BACH2: variants seen among roughly 807,000 people sequenced by gnomAD.
BACH2 encodes the protein BACH transcriptional regulator 2, also known as transcription regulator protein BACH2.
In BACH2, 5 loss-of-function variants were observed where a neutral mutation model predicts 61.8. The ratio of observed to expected loss-of-function variants is 0.08; its 90% CI spans 0.04 to 0.17. The LOEUF (loss-of-function observed/expected upper bound fraction) is 0.17. Among genes scored for constraint, BACH2 ranks in the 10% least tolerant of loss-of-function variants. BACH2 has a pLI of 1.00. For missense variants in BACH2, 824 were observed against 1,091.1 expected, an observed-to-expected ratio of 0.76 and a Z score of 3.45; for synonymous variants, 446 against 440.1, an observed-to-expected ratio of 1.01 and a Z score of -0.17.
intron 1 of BACH2, among the ~76,000 whole-genome samples, chr6:90,296,240 A>C (rs1772377742): frequency 6.6e-6 from 1 of 151,866 alleles, no homozygotes; most frequent in Admixed American, 6.6e-5. Context: ...GCCGGGAGGG[A>C]GAGCACACAT....
intron 5 of BACH2, among the ~76,000 whole-genome samples, chr6:90,036,443 T>C (rs528359968): frequency 1.3e-5 from 2 of 152,292 alleles, no homozygotes; most frequent in Admixed American, 1.3e-4. Flanking sequence ...AGGTCCTGTA[T>C]CATTTTGTAC....
intron 6 of BACH2, among the ~76,000 whole-genome samples, chr6:89,968,902 T>G (rs977569748): frequency 2.0e-5 from 3 of 151,962 alleles, no homozygotes; most frequent in Non-Finnish European, 4.4e-5. Context: ...TCCCAGCTAC[T>G]TGGGGGGCTG....
intron 5 of BACH2, among the ~76,000 whole-genome samples, chr6:90,054,544 G>C (rs940848515): frequency 2.0e-5 from 3 of 152,226 alleles, no homozygotes; most frequent in African/African-American, 4.8e-5. Context: ...CCACCTCTGG[G>C]GGCAGGGCAC....
At chr6:90,176,727 A>G (rs1336161382) in intron 4 of BACH2, among the ~76,000 whole-genome samples, 3 of 152,148 alleles carry the variant, frequency 2.0e-5, no homozygotes, top group Admixed American at 6.5e-5. Context: ...ACAGAGTCCA[A>G]TTGCCCAAAC....
At chr6:90,270,616 T>A (rs1202258549) in intron 2 of BACH2, among the ~76,000 whole-genome samples, 1 of 152,176 alleles carries the variant, frequency 6.6e-6, no homozygotes, top group Non-Finnish European at 1.5e-5. Flanking sequence ...TGCTCATGGA[T>A]GAGTAGAATC....
chr6:90,149,592 T>A (rs1784740562), intron 4 of BACH2, among the ~76,000 whole-genome samples: 1 of 152,148 alleles, frequency 6.6e-6, no homozygotes, highest in African/African-American at 2.4e-5. Flanking sequence ...AAATCCAGCA[T>A]AAACGAAACA....
intron 4 of BACH2, among the ~76,000 whole-genome samples, chr6:90,197,354 C>G (rs571001875): frequency 1.6e-4 from 24 of 152,232 alleles, no homozygotes; most frequent in African/African-American, 5.5e-4. Flanking sequence ...GAGATGATAC[C>G]TTTGTAAAAT....
At chr6:90,088,151 C>T (rs192357516) in intron 5 of BACH2, among the ~76,000 whole-genome samples, 5 of 152,128 alleles carry the variant, frequency 3.3e-5, no homozygotes, top group Admixed American at 2.0e-4. Context: ...GCCTTTCTGT[C>T]CCACATGTGT....
chr6:90,076,045 A>G (rs1307500678), intron 5 of BACH2, among the ~76,000 whole-genome samples: 1 of 152,180 alleles, frequency 6.6e-6, no homozygotes, highest in Non-Finnish European at 1.5e-5. Flanking sequence ...AAAAGAAAAT[A>G]GAAGAAGCGA....
chr6:90,123,769 CAAAAAAA>C lies in BACH2; in HGVS notation c.-161-34667_-161-34661del, dbSNP rs796903431. 1.0e-3 allele frequency among the ~76,000 whole-genome samples: 35 copies of C among 33,998 alleles called. 1 individual carries two copies. Among genetic ancestry groups the C allele is most frequent in the African/African-American group, 2.8e-3 (31 of 11,246 alleles). The allele number at this position is 33,998 out of a possible 152,430, so 22.3% of individuals were successfully genotyped here. A position where few individuals can be genotyped will look rare whatever the true frequency, so the allele number is the denominator to read the frequency against. On this transcript the variant is annotated intron_variant, in intron 4 of 8. Transcript: ENST00000257749. Reference sequence around the variant, plus strand: ...TGGGCGACAGAGCGAGACTCCGTCTCAAAAAAAAAAAAAAAAAAAAAAAAGAAGACCG... The same window carrying C: ...TGGGCGACAGAGCGAGACTCCGTCTCAAAAAAAAAAAAAAAAAGAAGACCG...
At chr6:90,052,099 G>A (rs1438124451) in intron 5 of BACH2, among the ~76,000 whole-genome samples, 2 of 152,080 alleles carry the variant, frequency 1.3e-5, no homozygotes, top group Admixed American at 1.3e-4. Flanking sequence ...CTTGTTTTAG[G>A]GGCATAGTAT....
intron 4 of BACH2, among the ~76,000 whole-genome samples, chr6:90,203,706 T>C (rs1769037651): frequency 6.6e-6 from 1 of 152,206 alleles, no homozygotes; most frequent in Non-Finnish European, 1.5e-5. Context: ...TGTTATCATA[T>C]TCCACGTACA....
intron 4 of BACH2, among the ~76,000 whole-genome samples, chr6:90,168,501 A>G (rs1320882378): frequency 6.6e-6 from 1 of 152,204 alleles, no homozygotes; most frequent in Non-Finnish European, 1.5e-5. Context: ...ACCCAAAGAA[A>G]ACAATAGGTT....
intron 6 of BACH2, among the ~76,000 whole-genome samples, chr6:89,972,047 G>A (rs1775389986): frequency 6.6e-6 from 1 of 152,196 alleles, no homozygotes; most frequent in African/African-American, 2.4e-5. Flanking sequence ...TGTTCCAGAT[G>A]GAAGAAATGA....
intron 3 of BACH2, among the ~76,000 whole-genome samples, chr6:90,235,526 C>G (rs538460929): frequency 2.2e-4 from 33 of 152,118 alleles, no homozygotes; most frequent in Non-Finnish European, 4.0e-4. Flanking sequence ...GAGAAATGCC[C>G]TTCAACTAAA....
rs1401708305 is a variant in BACH2 at position 90,275,311 on chromosome 6, T to C, written c.-445-3370A>G. Among the ~76,000 whole-genome samples the C allele has an allele frequency of 5.9e-5, 9 of 152,182 alleles. No individual in the cohort carries two copies. The East Asian group carries it at 1.5e-3, about 26-fold the overall frequency. On this transcript the variant is annotated intron_variant, in intron 1 of 8. Transcript: ENST00000257749. ...ACTGTAAATCGTGAGAGAACATACC[T>C]GCTCTTCAAATATGACTTGAAAATT... is the stretch of plus-strand genomic sequence containing the variant.
intron 5 of BACH2, among the ~76,000 whole-genome samples, chr6:90,011,231 A>G (rs1777688144): frequency 6.6e-6 from 1 of 152,170 alleles, no homozygotes; most frequent in Non-Finnish European, 1.5e-5. Flanking sequence ...TGTGTAGGTA[A>G]CAGGTATGGA....
intron 4 of BACH2, among the ~76,000 whole-genome samples, chr6:90,151,651 G>A (rs1339127201): frequency 6.6e-6 from 1 of 152,190 alleles, no homozygotes; most frequent in East Asian, 1.9e-4. Context: ...AGTAAGATCT[G>A]TAAGGGTAGG....
chr6:90,253,750 A>C (rs954317688), intron 2 of BACH2, among the ~76,000 whole-genome samples: 18 of 152,236 alleles, frequency 1.2e-4, no homozygotes, highest in Non-Finnish European at 2.1e-4. Context: ...GTGTATTTTA[A>C]AGAGAAAACA....
Sources: allele counts gnomAD v4.1 joint callset (sites outside exome capture counted in the v4.1 genomes callset), GRCh38; gene constraint gnomAD v4.1.1; transcripts MANE v1.5; gene names NCBI Gene and HGNC (gene_info 2026-07-23, HGNC 2026-07-21).